The following PCSK5 variants were observed in gnomAD, a reference collection of about 807,000 sequenced individuals.
PCSK5 encodes the protein prohormone convertase 5.
In PCSK5, 129 loss-of-function variants were observed where a neutral mutation model predicts 233.2. The observed-to-expected ratio is 0.55, with a 90% CI of 0.48 to 0.64. The LOEUF (loss-of-function observed/expected upper bound fraction) is 0.64. Ranked by LOEUF, PCSK5 falls within the 30% of genes least tolerant of loss-of-function variation. The pLI, the probability that PCSK5 is intolerant of heterozygous loss-of-function variation, is 0.00. For missense variants in PCSK5, 2,076 were observed against 2,430.1 expected (o/e 0.85, Z 3.06); for synonymous variants, 825 against 879.2 (o/e 0.94, Z 1.09).
intron 7 of PCSK5, among the ~76,000 whole-genome samples, chr9:76,093,661 G>A (rs1232741494): frequency 6.6e-6 from 1 of 151,732 alleles, no homozygotes; most frequent in African/African-American, 2.4e-5. Context: ...ATCTGTGATG[G>A]TGCTGTTTAA....
chr9:76,006,611 C>G (rs1158222263), intron 3 of PCSK5, among the ~76,000 whole-genome samples: 1 of 152,080 alleles, frequency 6.6e-6, no homozygotes, highest in Non-Finnish European at 1.5e-5. Context: ...TTCTATTTTT[C>G]AGAACACGTT....
At chr9:76,314,181 A>G (rs1274015262) in intron 30 of PCSK5, among the ~76,000 whole-genome samples, 1 of 150,896 alleles carries the variant, frequency 6.6e-6, no homozygotes, top group Non-Finnish European at 1.5e-5. Context: ...TTTACCTCAG[A>G]GTCTGGGTTG....
chr9:75,976,274 CCACACACA>C (rs10562995), intron 2 of PCSK5, among the ~76,000 whole-genome samples: 2,693 of 141,554 alleles, frequency 0.019, 39 homozygotes, highest in Admixed American at 0.033. Flanking sequence ...CACACAGACA[CCACACACA>C]CACACACACA....
At chr9:76,260,184 T>C (rs764470169) in intron 24 of PCSK5, among the ~76,000 whole-genome samples, 11 of 152,208 alleles carry the variant, frequency 7.2e-5, no homozygotes, top group Non-Finnish European at 1.3e-4. Flanking sequence ...ACTCCTCATG[T>C]AAATGGAGGA....
At chr9:76,038,976 C>G (rs1394520734) in intron 5 of PCSK5, among the ~76,000 whole-genome samples, 2 of 152,172 alleles carry the variant, frequency 1.3e-5, no homozygotes, top group Admixed American at 1.3e-4. Flanking sequence ...GAACCACATT[C>G]CACAACATGG....
chr9:75,945,248 T>C (rs1449735365), intron 2 of PCSK5, among the ~76,000 whole-genome samples: 1 of 152,050 alleles, frequency 6.6e-6, no homozygotes, highest in Non-Finnish European at 1.5e-5. Flanking sequence ...CATTTCTACC[T>C]ATTACCATGG....
intron 5 of PCSK5, among the ~76,000 whole-genome samples, chr9:76,033,755 G>A (rs1335628701): frequency 6.6e-6 from 1 of 152,150 alleles, no homozygotes; most frequent in African/African-American, 2.4e-5. Flanking sequence ...ATCCTCATGA[G>A]ATGGTGCCTT....
intron 9 of PCSK5, among the ~76,000 whole-genome samples, chr9:76,126,685 ACG>A (rs1257600607): frequency 6.6e-6 from 1 of 152,200 alleles, no homozygotes; most frequent in Admixed American, 6.5e-5. Context: ...CATGTCAGAC[ACG>A]GAGACAAAAT....
chr9:76,293,567 A>T (rs1828343142), intron 25 of PCSK5, among the ~76,000 whole-genome samples: 1 of 152,178 alleles, frequency 6.6e-6, no homozygotes, highest in Non-Finnish European at 1.5e-5. Context: ...CTTGTGCCTC[A>T]GCCTCCCTAG....
intron 5 of PCSK5, among the ~76,000 whole-genome samples, chr9:76,027,981 AAGTC>A (rs1687625439): frequency 6.6e-6 from 1 of 152,294 alleles, no homozygotes; most frequent in East Asian, 1.9e-4. Context: ...TTATTTGATT[AAGTC>A]AGTAAGTTTA....
At chr9:76,320,212 G>T (rs1167329953) in intron 30 of PCSK5, among the ~76,000 whole-genome samples, 1 of 151,922 alleles carries the variant, frequency 6.6e-6, no homozygotes, top group African/African-American at 2.4e-5. Flanking sequence ...AGCACCGTAG[G>T]CTGGACCCTA....
At chr9:76,198,663 G>C (rs532279327) in intron 20 of PCSK5, among the ~76,000 whole-genome samples, 2 of 152,180 alleles carry the variant, frequency 1.3e-5, no homozygotes, top group Non-Finnish European at 2.9e-5. Flanking sequence ...TGTGTGCCTG[G>C]GCTTGACTTT....
At chr9:76,028,877 A>G (rs1828539562) in intron 5 of PCSK5, among the ~76,000 whole-genome samples, 1 of 152,204 alleles carries the variant, frequency 6.6e-6, no homozygotes, top group Admixed American at 6.5e-5. Context: ...ATGAACGAGG[A>G]CAGCTTAAAG....
chr9:76,235,877 A>G (rs529359856), intron 22 of PCSK5, among the ~76,000 whole-genome samples: 2 of 152,358 alleles, frequency 1.3e-5, no homozygotes, highest in East Asian at 3.9e-4. Context: ...GTGCTGAAGA[A>G]GATGGATGAC....
chr9:76,019,484 A>G (rs12005018), intron 3 of PCSK5, among the ~76,000 whole-genome samples: 7,342 of 152,246 alleles, frequency 0.048, 274 homozygotes, highest in East Asian at 0.18. Flanking sequence ...CATTGTTAGC[A>G]GATTATTGAC....
At position 76,176,967 on chromosome 9, in the gene PCSK5, G is replaced by A. The variant is rs928650384; in HGVS notation, c.1900+1838G>A. Among the ~76,000 whole-genome samples, 11 of 152,118 alleles carry A rather than the reference G, an allele frequency of 7.2e-5. 1 individual carries two copies. Among genetic ancestry groups the A allele is most frequent in the Admixed American group, 1.3e-4 (2 of 15,266 alleles). ...ATCCTTCTAAGATATGACATGTAAC[G>A]CATAATGGACAAAGCTTCTCCTAAT... On this transcript the variant is annotated intron_variant, in intron 14 of 37. Coordinates refer to ENST00000674117, the MANE Select transcript of PCSK5 (RefSeq NM_001372043.1).
intron 10 of PCSK5, among the ~76,000 whole-genome samples, chr9:76,148,656 TC>T (rs956711582): frequency 6.6e-6 from 1 of 152,154 alleles, no homozygotes; most frequent in Non-Finnish European, 1.5e-5. Flanking sequence ...ATCACCCTGT[TC>T]CTGACTCCTT....
intron 20 of PCSK5, among the ~76,000 whole-genome samples, chr9:76,225,446 T>C (rs1825859047): frequency 6.6e-6 from 1 of 152,174 alleles, no homozygotes; most frequent in African/African-American, 2.4e-5. Flanking sequence ...TTTTGAAAGA[T>C]ACATAGATAT....
chr9:76,143,168 G>A (rs1823299118), intron 10 of PCSK5, among the ~76,000 whole-genome samples: 1 of 152,034 alleles, frequency 6.6e-6, no homozygotes, highest in South Asian at 2.1e-4. Context: ...TTAAACAAAT[G>A]CCTTCTTTTG....
Sources: allele counts gnomAD v4.1 joint callset (sites outside exome capture counted in the v4.1 genomes callset), GRCh38; gene constraint gnomAD v4.1.1; transcripts MANE v1.5; gene names NCBI Gene and HGNC (gene_info 2026-07-23, HGNC 2026-07-21).